PROS1: variants seen among roughly 807,000 people sequenced by gnomAD.
The protein encoded by PROS1 is protein S, also known as vitamin K-dependent protein S.
PROS1 carries 29 observed loss-of-function variants against 75.9 expected under a neutral mutation model. The ratio of observed to expected loss-of-function variants is 0.38; its 90% CI spans 0.28 to 0.52. The LOEUF (loss-of-function observed/expected upper bound fraction) is 0.52, where lower values mean the gene tolerates loss of function less well. PROS1 is among the 20% of genes least tolerant of loss of function. PROS1 has a pLI of 0.83. For synonymous variants in PROS1, 245 were observed against 280.6 expected (o/e 0.87, Z 1.27); for missense variants, 680 against 810.3 (o/e 0.84, Z 1.95).
chr3:93,928,624 G>T (rs1439959409), intron 1 of PROS1: 4 of 507,972 alleles, frequency 7.9e-6, no homozygotes, highest in Non-Finnish European at 1.3e-5. Context: ...TCTCTGTGGA[G>T]ATTGTTGTTG....
At chr3:93,941,494 C>G (rs1233812749) in intron 1 of PROS1, among the ~76,000 whole-genome samples, 1 of 152,152 alleles carries the variant, frequency 6.6e-6, no homozygotes, top group Non-Finnish European at 1.5e-5. Flanking sequence ...CTTTTGCCAT[C>G]CTAACAAAAC....
intron 7 of PROS1, among the ~76,000 whole-genome samples, chr3:93,900,003 A>G (rs2107160675): frequency 6.6e-6 from 1 of 152,288 alleles, no homozygotes; most frequent in South Asian, 2.1e-4. Context: ...GAATATACAT[A>G]CATACATATA....
In PROS1 at chr3:93,908,223, A is replaced by G. The variant is rs553640719; in HGVS notation, c.347-2080T>C. On this transcript the variant is annotated intron_variant, in intron 4 of 14. Coordinates refer to ENST00000394236, the MANE Select transcript of PROS1 (RefSeq NM_000313.4). ...TTATCTTCCTGCCTTAAATAAGTAG[A>G]ACTTCAGTCTAACTATGTAAAATAA... 1.2e-4 allele frequency among the ~76,000 whole-genome samples: 19 copies of G among 152,334 alleles called. No individual in the cohort carries two copies. The South Asian group carries it at 3.7e-3, about 30-fold the overall frequency.
chr3:93,891,085 G>A (rs1708424839), intron 10 of PROS1, among the ~76,000 whole-genome samples: 1 of 152,056 alleles, frequency 6.6e-6, no homozygotes, highest in African/African-American at 2.4e-5. Flanking sequence ...GGGTGACAGA[G>A]CAAGACTCCG....
At chr3:93,955,587 G>T (rs1298628470) in intron 1 of PROS1, among the ~76,000 whole-genome samples, 6 of 151,992 alleles carry the variant, frequency 3.9e-5, no homozygotes, top group Non-Finnish European at 7.4e-5. Flanking sequence ...GGGATGGGGG[G>T]AGGGGGGATG....
intron 7 of PROS1, among the ~76,000 whole-genome samples, chr3:93,899,686 C>T (rs1485045102): frequency 2.0e-5 from 3 of 152,052 alleles, no homozygotes; most frequent in Admixed American, 6.5e-5. Flanking sequence ...AAGCAGCATA[C>T]GTAGTTAAAA....
intron 10 of PROS1, among the ~76,000 whole-genome samples, chr3:93,887,601 T>C (rs1362530393): frequency 6.6e-6 from 1 of 152,230 alleles, no homozygotes; most frequent in Non-Finnish European, 1.5e-5. Context: ...GTTACACAAA[T>C]TTAAAGTTGG....
chr3:93,959,529 G>A (rs1036240078), intron 1 of PROS1, among the ~76,000 whole-genome samples: 5 of 151,954 alleles, frequency 3.3e-5, no homozygotes, highest in Non-Finnish European at 5.9e-5. Flanking sequence ...TGGCCATTCT[G>A]CAAAAATTTG....
At chr3:93,902,888 GGTTTGTTT>G (rs373959612) in intron 6 of PROS1, among the ~76,000 whole-genome samples, 2 of 151,906 alleles carry the variant, frequency 1.3e-5, no homozygotes, top group Admixed American at 6.6e-5. Flanking sequence ...TTGTGGTTTT[GGTTTGTTT>G]GTTTGTTTGT....
At chr3:93,963,916 T>G (rs1709746556) in intron 1 of PROS1, among the ~76,000 whole-genome samples, 1 of 152,160 alleles carries the variant, frequency 6.6e-6, no homozygotes, top group Non-Finnish European at 1.5e-5. Flanking sequence ...TCTTTTCTGT[T>G]GCAGGAAGTC....
intron 1 of PROS1, among the ~76,000 whole-genome samples, chr3:93,941,273 C>T (rs1302482449): frequency 6.6e-6 from 1 of 152,206 alleles, no homozygotes; most frequent in African/African-American, 2.4e-5. Context: ...GCTCCTTCAA[C>T]ATTTATTCTC....
At chr3:93,939,462 A>T (rs1709245335) in intron 1 of PROS1, among the ~76,000 whole-genome samples, 1 of 152,040 alleles carries the variant, frequency 6.6e-6, no homozygotes, top group Non-Finnish European at 1.5e-5. Flanking sequence ...CGCCAGGCTG[A>T]ATCAGGCTCC....
At chr3:93,943,898 C>G (rs1576207916) in intron 1 of PROS1, among the ~76,000 whole-genome samples, 1 of 152,316 alleles carries the variant, frequency 6.6e-6, no homozygotes, top group African/African-American at 2.4e-5. Context: ...CAGAGAACAA[C>G]CCTTTTGACT....
At chr3:93,890,688 A>G (rs562506607) in intron 10 of PROS1, among the ~76,000 whole-genome samples, 2 of 152,320 alleles carry the variant, frequency 1.3e-5, no homozygotes, top group South Asian at 4.1e-4. Context: ...CTATAGTTCT[A>G]ATGCCTTGAA....
At chr3:93,956,543 CACACACACACACACACACAA>C (rs1006577788) in intron 1 of PROS1, among the ~76,000 whole-genome samples, 2 of 69,650 alleles carry the variant, frequency 2.9e-5, no homozygotes, top group Admixed American at 2.1e-4. Flanking sequence ...TACACACACA[CACACACACACACACACACAA>C]ACACACACAC....
chr3:93,946,205 A>G (rs2107234470), intron 1 of PROS1, among the ~76,000 whole-genome samples: 1 of 152,326 alleles, frequency 6.6e-6, no homozygotes, highest in Admixed American at 6.5e-5. Flanking sequence ...AGGAAGAATC[A>G]ATATCACGAA....
chr3:93,931,385 G>T (rs1168511904), intron 1 of PROS1, among the ~76,000 whole-genome samples: 1 of 152,188 alleles, frequency 6.6e-6, no homozygotes, highest in Non-Finnish European at 1.5e-5. Flanking sequence ...AGACACTGAT[G>T]TCATTAGTTT....
chr3:93,957,743 G>A (rs1486014821), intron 1 of PROS1, among the ~76,000 whole-genome samples: 3 of 152,158 alleles, frequency 2.0e-5, no homozygotes, highest in African/African-American at 7.2e-5. Flanking sequence ...ATCCAAGGAT[G>A]CTCAAATCAC....
chr3:93,930,212 TA>T (rs1473756513), intron 1 of PROS1, among the ~76,000 whole-genome samples: 4 of 152,194 alleles, frequency 2.6e-5, no homozygotes, highest in Non-Finnish European at 5.9e-5. Context: ...AGAACGTATA[TA>T]AAAGATGGTA....
Sources: allele counts gnomAD v4.1 joint callset (sites outside exome capture counted in the v4.1 genomes callset), GRCh38; gene constraint gnomAD v4.1.1; transcripts MANE v1.5; gene names NCBI Gene and HGNC (gene_info 2026-07-23, HGNC 2026-07-21).